ESYT2: variants seen among roughly 807,000 people sequenced by gnomAD.
ESYT2 encodes extended synaptotagmin 2.
ESYT2 carries 54 observed loss-of-function variants against 107.2 expected under a neutral mutation model. The observed-to-expected ratio is 0.50, with a 90% CI of 0.40 to 0.63. The LOEUF is 0.63. Among genes scored for constraint, ESYT2 ranks in the 30% least tolerant of loss-of-function variants. The probability of loss-of-function intolerance (pLI) is 0.00; values close to 1 mark genes in which losing one functional copy is unlikely to be tolerated. For synonymous variants in ESYT2, 491 were observed against 434.1 expected, an observed-to-expected ratio of 1.13 and a Z score of -1.63; for missense variants, 1,020 against 1,094.5, an observed-to-expected ratio of 0.93 and a Z score of 0.96.
chr7:158,790,565 T>C (rs966144245), intron 4 of ESYT2, among the ~76,000 whole-genome samples: 2 of 152,226 alleles, frequency 1.3e-5, no homozygotes, highest in Non-Finnish European at 2.9e-5. Flanking sequence ...ATTTTTATTA[T>C]GCTAGGCATG....
At chr7:158,736,475 C>T (rs1027028588) in intron 20 of ESYT2, among the ~76,000 whole-genome samples, 2 of 152,126 alleles carry the variant, frequency 1.3e-5, no homozygotes, top group African/African-American at 4.8e-5. Flanking sequence ...GCCAATGACC[C>T]CTGGGGGTGT....
intron 13 of ESYT2, among the ~76,000 whole-genome samples, chr7:158,756,328 A>G (rs1039985373): frequency 1.3e-5 from 2 of 152,216 alleles, no homozygotes; most frequent in Admixed American, 6.5e-5. Context: ...CAGCACAGGT[A>G]TCCAGTGCCA....
At chr7:158,744,925 A>C (rs935998216) in intron 16 of ESYT2, among the ~76,000 whole-genome samples, 2 of 152,212 alleles carry the variant, frequency 1.3e-5, no homozygotes, top group Admixed American at 6.5e-5. Context: ...GGAACTTTAA[A>C]AATTATTTTT....
intron 13 of ESYT2, among the ~76,000 whole-genome samples, chr7:158,756,406 G>C (rs1563629434): frequency 6.6e-6 from 1 of 152,206 alleles, no homozygotes; most frequent in African/African-American, 2.4e-5. Flanking sequence ...AGGTCTTTAA[G>C]TGTCTTAAAA....
intron 2 of ESYT2, among the ~76,000 whole-genome samples, 188 bp downstream of exon 2, chr7:158,798,843 C>T (rs1245670644): frequency 6.6e-6 from 1 of 152,066 alleles, no homozygotes; most frequent in Non-Finnish European, 1.5e-5. Context: ...GTCAAAGAGA[C>T]AGTTCTCACT....
intron 3 of ESYT2, among the ~76,000 whole-genome samples, chr7:158,794,281 C>T (rs1839395160): frequency 6.6e-6 from 1 of 152,260 alleles, no homozygotes; most frequent in Non-Finnish European, 1.5e-5. Context: ...CTGCTTGAAG[C>T]CAGAAGGTTT....
Position 158,740,342 on chromosome 7 carries a change from G to C in ESYT2, c.2168+1181C>G, listed in dbSNP as rs1587370396. On this transcript the variant is annotated intron_variant, in intron 18 of 22. Coordinates refer to ENST00000275418, the MANE Select transcript of ESYT2 (RefSeq NM_001367773.1). ...CAGGCTGCAACCCTATAAGGATAAG[G>C]AATAGTCTCCTTTCTAAATGTGCAG... 2.6e-5 allele frequency among the ~76,000 whole-genome samples: 4 copies of C among 152,358 alleles called. 1 individual carries two copies. Among genetic ancestry groups the C allele is most frequent in the African/African-American group, 9.6e-5 (4 of 41,590 alleles).
Position 158,732,672 on chromosome 7 carries a change from A to G in ESYT2, c.*1535T>C, listed in dbSNP as rs1836787209. 1 of 152,658 alleles carries G rather than the reference A, an allele frequency of 6.6e-6. No individual in the cohort carries two copies. Among genetic ancestry groups the G allele is most frequent in the East Asian group, 1.9e-4 (1 of 5,202 alleles). 9.5% of individuals were successfully genotyped at this position (152,658 alleles called of 1,614,324 possible). On this transcript the variant is annotated 3_prime_UTR_variant, in exon 23 of 23. Transcript: ENST00000275418. ...GAATCTGCTAGAAGGGAGGGTGGGTAGACGCCACCCGCCCCGTCACAGGCA... is the reference window on the plus strand; with the variant it reads ...GAATCTGCTAGAAGGGAGGGTGGGTGGACGCCACCCGCCCCGTCACAGGCA...
rs1838091814 is a variant in ESYT2, at chr7:158,764,751, TAATGATTCC to T, written c.1018_1026del (p.Gly340_Ile342del). On this transcript the variant is annotated inframe_deletion, in exon 9 of 23. Transcript: ENST00000275418. ...CTTTGGAAGATTTGGTTGCCAACTCTAATGATTCCATAGGGGTCTGACTTTCCCTTGACA... is the reference window on the plus strand; with the variant it reads ...CTTTGGAAGATTTGGTTGCCAACTCTATAGGGGTCTGACTTTCCCTTGACA... The T allele has an allele frequency of 6.2e-7, 1 of 1,614,108 alleles. No homozygotes were observed. The highest frequency in any genetic ancestry group is 1.7e-5 in the Admixed American group (1 of 60,010).
chr7:158,804,109 G>A (rs1422555977), intron 1 of ESYT2, among the ~76,000 whole-genome samples: 3 of 43,798 alleles, frequency 6.8e-5, no homozygotes, highest in Non-Finnish European at 7.8e-5. Flanking sequence ...TGAGGCGCGC[G>A]ACAAACCCAA....
chr7:158,777,305 A>C (rs368512494), intron 6 of ESYT2, among the ~76,000 whole-genome samples: 14 of 152,330 alleles, frequency 9.2e-5, no homozygotes, highest in Middle Eastern at 3.4e-3. Context: ...GAGAACAGTC[A>C]GTCAGTGGAG....
chr7:158,740,059 C>A (rs1484351805), intron 18 of ESYT2, among the ~76,000 whole-genome samples: 1 of 152,216 alleles, frequency 6.6e-6, no homozygotes. Context: ...CCAGCTTGTC[C>A]TGATCCAGAT....
intron 1 of ESYT2, among the ~76,000 whole-genome samples, chr7:158,806,467 C>T (rs908911286): frequency 2.0e-5 from 3 of 152,100 alleles, no homozygotes; most frequent in African/African-American, 2.4e-5. Context: ...TTAGTGCATG[C>T]GTGAAATATT....
chr7:158,773,455 G>A (rs935770763), intron 6 of ESYT2, 59 bp from the exon 7 acceptor site: 1 of 1,543,822 alleles, frequency 6.5e-7, no homozygotes, highest in Non-Finnish European at 8.9e-7. Context: ...ATTGAATCAG[G>A]TGCACACAGG....
intron 1 of ESYT2, among the ~76,000 whole-genome samples, chr7:158,826,360 CAT>C (rs1032806455): frequency 1.3e-5 from 2 of 152,164 alleles, no homozygotes; most frequent in Admixed American, 6.5e-5. Context: ...GAAGTTTACA[CAT>C]GTGGGATTAT....
intron 6 of ESYT2, among the ~76,000 whole-genome samples, chr7:158,781,050 GGA>G (rs1226763605): frequency 6.6e-6 from 1 of 152,238 alleles, no homozygotes; most frequent in Non-Finnish European, 1.5e-5. Flanking sequence ...GAATATGTGA[GGA>G]GTGTGTGAGA....
intron 1 of ESYT2, among the ~76,000 whole-genome samples, chr7:158,817,654 C>T (rs1186742245): frequency 7.2e-5 from 11 of 152,158 alleles, no homozygotes; most frequent in Admixed American, 4.6e-4. Context: ...ATCCCTAAAA[C>T]TTACAGGTCA....
intron 6 of ESYT2, among the ~76,000 whole-genome samples, chr7:158,785,467 A>AATCAATC (rs1563019081): frequency 1.3e-4 from 18 of 137,070 alleles, no homozygotes; most frequent in African/African-American, 4.6e-4. Flanking sequence ...ATAAATAAAT[A>AATCAATC]AATAAATCAC....
chr7:158,742,702 T>C (rs1163535194), intron 17 of ESYT2, among the ~76,000 whole-genome samples: 2 of 152,226 alleles, frequency 1.3e-5, no homozygotes, highest in Non-Finnish European at 2.9e-5. Flanking sequence ...CCACACCTTG[T>C]AAATCACTCC....
Sources: gnomAD v4.1 joint callset for allele counts (sites outside exome capture counted in the v4.1 genomes callset) on GRCh38, gnomAD v4.1.1 for gene constraint, MANE v1.5 for transcripts, NCBI Gene and HGNC (gene_info 2026-07-23, HGNC 2026-07-21) for gene names.